Variants in ACAN observed in about 807,000 individuals in gnomAD.
The protein encoded by ACAN is aggrecan core protein.
In ACAN, 47 loss-of-function variants were observed where a neutral mutation model predicts 169.1. The observed-to-expected ratio is 0.28, with a 90% CI of 0.22 to 0.35. The LOEUF (loss-of-function observed/expected upper bound fraction) is 0.35. Among genes scored for constraint, ACAN ranks in the 10% least tolerant of loss-of-function variants. The pLI is 1.00. For missense variants in ACAN, 2,716 were observed against 2,759.9 expected, an observed-to-expected ratio of 0.98 and a Z score of 0.36; for synonymous variants, 1,115 against 1,112.2, an observed-to-expected ratio of 1.00 and a Z score of -0.05.
chr15:88,819,086 G>C (rs947932957), intron 1 of ACAN, among the ~76,000 whole-genome samples: 2 of 152,178 alleles, frequency 1.3e-5, no homozygotes, highest in Non-Finnish European at 2.9e-5. Context: ...CAGCTGCTCT[G>C]GCATCCTGTT....
intron 1 of ACAN, among the ~76,000 whole-genome samples, chr15:88,824,908 A>G (rs568164657): frequency 6.6e-6 from 1 of 152,202 alleles, no homozygotes; most frequent in East Asian, 1.9e-4. Context: ...AAAAGCTATA[A>G]ATAGACTTTA....
At chr15:88,837,975 G>C (rs1253458919) in intron 2 of ACAN, among the ~76,000 whole-genome samples, 1 of 143,838 alleles carries the variant, frequency 7.0e-6, no homozygotes, top group East Asian at 2.0e-4. Flanking sequence ...GATTTGGTAA[G>C]CTTGTTGCAC....
chr15:88,837,230 C>T (rs529474226), intron 2 of ACAN, among the ~76,000 whole-genome samples: 1 of 152,178 alleles, frequency 6.6e-6, no homozygotes, highest in African/African-American at 2.4e-5. Context: ...CACAGCAGCA[C>T]ATGAGACCCC....
chr15:88,864,050 G>A (rs983738529), intron 13 of ACAN, among the ~76,000 whole-genome samples: 7 of 152,210 alleles, frequency 4.6e-5, no homozygotes, highest in Admixed American at 2.0e-4. Context: ...GGTGGCACAT[G>A]CCTTTAGTCC....
chr15:88,871,287 G>C lies in ACAN; in HGVS notation c.7061-95G>C. ...CCTTGAGGGCACAGCATGGAAGGTG[G>C]GGTGAACGCAGGAACCTATGCCATA... On this transcript the variant is annotated intron_variant, in intron 14 of 18. Transcript: ENST00000560601. The surrounding 1 kb of genome is among the most constrained non-coding windows in gnomAD (Gnocchi z 7.8). 1.3e-6 allele frequency: 2 copies of C among 1,534,600 alleles called. No individual in the cohort carries two copies. Among genetic ancestry groups the C allele is most frequent in the Non-Finnish European group, 8.9e-7 (1 of 1,128,448 alleles).
intron 1 of ACAN, among the ~76,000 whole-genome samples, chr15:88,831,071 A>C (rs1896349044): frequency 6.6e-6 from 1 of 152,220 alleles, no homozygotes; most frequent in East Asian, 1.9e-4. Flanking sequence ...AAGAAGTCTC[A>C]CCTCGTTGAT....
chr15:88,834,469 C>G (rs1426552742), intron 1 of ACAN, among the ~76,000 whole-genome samples: 1 of 152,240 alleles, frequency 6.6e-6, no homozygotes, highest in Non-Finnish European at 1.5e-5. Context: ...ATCCCCAAAT[C>G]CATCCAGCCC....
chr15:88,867,935 T>A (rs1897306310), intron 13 of ACAN, among the ~76,000 whole-genome samples: 1 of 152,262 alleles, frequency 6.6e-6, no homozygotes, highest in Non-Finnish European at 1.5e-5. Flanking sequence ...GCTTTAGACC[T>A]ATCAGATCTC....
At chr15:88,834,653 A>G (rs972469327) in intron 1 of ACAN, among the ~76,000 whole-genome samples, 1 of 152,176 alleles carries the variant, frequency 6.6e-6, no homozygotes, top group Non-Finnish European at 1.5e-5. Context: ...CACTTCTTAA[A>G]CCAAAAGGGG....
chr15:88,847,309 C>A lies in ACAN; in HGVS notation c.1496C>A (p.Ala499Asp), dbSNP rs757190295. ...CTGACCTTTGAGGAGGCACAGCAGG[C>A]CTGCCTGCGCACGGGGGCGGTCATT... ...YSLTFEEAQQ[A>D]CLRTGAVIAS... The change falls in exon 8 of 19, where the codon GCC becomes GAC. Residue 499 changes from alanine to aspartate, a missense_variant. Physicochemically the swap from Ala to Asp is moderately radical, Grantham distance 126. This residue lies in a region of ACAN where 1,283 missense variants were observed against 1,281.5 expected (regional missense o/e 1.00). Coordinates refer to ENST00000560601, the MANE Select transcript of ACAN (RefSeq NM_001369268.1). The A allele has an allele frequency of 1.0e-5, 16 of 1,574,588 alleles. No individual in the cohort carries two copies. In the East Asian group the frequency reaches 1.6e-4, roughly 16 times the overall value.
At chr15:88,827,570 T>C (rs1277516134) in intron 1 of ACAN, among the ~76,000 whole-genome samples, 2 of 152,222 alleles carry the variant, frequency 1.3e-5, no homozygotes, top group Non-Finnish European at 2.9e-5. Context: ...TGGCACTTTT[T>C]ATCAGGCTAG....
rs1463119628 is a variant in ACAN at position 88,868,495 on chromosome 15, C to T, written c.7060+166C>T. 6.6e-6 allele frequency among the ~76,000 whole-genome samples: 1 copy of T among 152,180 alleles called. No individual in the cohort carries two copies. The highest frequency in any genetic ancestry group is 1.9e-4 in the East Asian group (1 of 5,182). On this transcript the variant is annotated intron_variant, in intron 14 of 18. Coordinates refer to ENST00000560601, the MANE Select transcript of ACAN (RefSeq NM_001369268.1). The surrounding 1 kb of genome is among the most constrained non-coding windows in gnomAD (Gnocchi z 5.2). ...CTGAAAATTCTGCCCCACTGATTCC[C>T]ACTCTTTTTCTTGCTCTCCTCCTTG...
chr15:88,867,881 G>T (rs1302951500), intron 13 of ACAN, among the ~76,000 whole-genome samples: 4 of 152,174 alleles, frequency 2.6e-5, no homozygotes, highest in Non-Finnish European at 4.4e-5. Flanking sequence ...ACAAGAGAAG[G>T]CATCTTGGAG....
intron 1 of ACAN, among the ~76,000 whole-genome samples, chr15:88,827,189 C>G (rs1460527421): frequency 1.3e-5 from 2 of 152,220 alleles, no homozygotes; most frequent in African/African-American, 4.8e-5. Flanking sequence ...ACTGCCCTCC[C>G]TGACCACAGA....
chr15:88,868,355 T>C lies in ACAN; in HGVS notation c.7060+26T>C, dbSNP rs1170560625. ...GTACGGCCGTCTTGGCTTCAGCTAA[T>C]GTTACTAACTGCTGCACCCCCTCCT... is the stretch of plus-strand genomic sequence containing the variant. On this transcript the variant is annotated intron_variant, in intron 14 of 18. Coordinates refer to ENST00000560601, the MANE Select transcript of ACAN (RefSeq NM_001369268.1). The surrounding 1 kb of genome is among the most constrained non-coding windows in gnomAD (Gnocchi z 5.2). 2 of 701,110 alleles carry C rather than the reference T, an allele frequency of 2.9e-6. No homozygotes were observed. The highest frequency in any genetic ancestry group is 2.6e-6 in the Non-Finnish European group (1 of 383,838). The allele number at this position is 701,110 out of a possible 1,614,324, so 43.4% of individuals were successfully genotyped here.
chr15:88,864,949 C>A, intron 13 of ACAN, among the ~76,000 whole-genome samples: 1 of 152,158 alleles, frequency 6.6e-6, no homozygotes, highest in Non-Finnish European at 1.5e-5. Flanking sequence ...TTTTTATGAG[C>A]AAATAAACTC....
At position 88,873,718 on chromosome 15, in the gene ACAN, A is replaced by G. The variant is rs1897436538; in HGVS notation, c.7448-124A>G. On this transcript the variant is annotated intron_variant, in intron 17 of 18. Transcript: ENST00000560601. The surrounding 1 kb of genome is among the most constrained non-coding windows in gnomAD (Gnocchi z 7.5). ...GCTTCCAGATTCTTAGCGCTGCATGAAAACGTCCAGGGCTCACTGTCAGAT... is the reference window on the plus strand; with the variant it reads ...GCTTCCAGATTCTTAGCGCTGCATGGAAACGTCCAGGGCTCACTGTCAGAT... The G allele has an allele frequency of 3.8e-6, 4 of 1,056,442 alleles. No homozygotes were observed. The highest frequency in any genetic ancestry group is 2.5e-5 in the Admixed American group (1 of 39,296). 65.4% of individuals were successfully genotyped at this position (1,056,442 alleles called of 1,614,324 possible). A position where few individuals can be genotyped will look rare whatever the true frequency, so the allele number is the denominator to read the frequency against.
chr15:88,847,339 C>T lies in ACAN; in HGVS notation c.1526C>T (p.Ser509Leu), dbSNP rs773794233. The change falls in exon 8 of 19, where the codon TCG (serine) becomes TTG (leucine). Residue 509 changes from serine to leucine, a missense_variant. Transcript: ENST00000560601. ...ACLRTGAVIA[S>L]PEQLQAAYEA... ...CTGCGCACGGGGGCGGTCATTGCCT[C>T]GCCGGAGCAGCTCCAGGCCGCCTAC... is the stretch of plus-strand genomic sequence containing the variant. 26 of 1,584,086 alleles carry T rather than the reference C, an allele frequency of 1.6e-5. No individual in the cohort carries two copies. Among genetic ancestry groups the T allele is most frequent in the South Asian group, 7.0e-5 (6 of 86,320 alleles).
At chr15:88,823,090 A>G (rs553668088) in intron 1 of ACAN, among the ~76,000 whole-genome samples, 3 of 152,270 alleles carry the variant, frequency 2.0e-5, no homozygotes, top group East Asian at 1.9e-4. Flanking sequence ...CCTGGGCTCA[A>G]TTTCCACACA....
Sources: allele counts gnomAD v4.1 joint callset (sites outside exome capture counted in the v4.1 genomes callset), GRCh38; gene constraint gnomAD v4.1.1; regional missense constraint gnomAD v4.1.1; non-coding constraint Gnocchi (gnomAD v3.1); transcripts MANE v1.5; gene names NCBI Gene and HGNC (gene_info 2026-07-23, HGNC 2026-07-21).